Variants in USH2A observed in about 807,000 individuals in gnomAD.
USH2A encodes the protein Usher syndrome 2A (autosomal recessive, mild).
USH2A carries 443 observed loss-of-function variants against 538.9 expected under a neutral mutation model. That is an observed-to-expected ratio of 0.82 (90% CI 0.76 to 0.89). The LOEUF (loss-of-function observed/expected upper bound fraction) is 0.89, where lower values mean the gene tolerates loss of function less well. Ranked by LOEUF, USH2A falls within the 40% of genes least tolerant of loss-of-function variation. USH2A has a pLI of 0.00. For synonymous variants in USH2A, 2,413 were observed against 2,273.5 expected, an observed-to-expected ratio of 1.06 and a Z score of -1.75; for missense variants, 6,633 against 6,324.8, an observed-to-expected ratio of 1.05 and a Z score of -1.65.
rs554524242 is a variant in USH2A at position 216,289,430 on chromosome 1, T to C, written c.1841-20A>G. 39 of 1,613,610 alleles carry C rather than the reference T, an allele frequency of 2.4e-5. No homozygotes were observed. Among genetic ancestry groups the C allele is most frequent in the Non-Finnish European group, 2.9e-5 (34 of 1,179,668 alleles). On this transcript the variant is annotated intron_variant, in intron 10 of 71. Coordinates refer to ENST00000307340, the MANE Select transcript of USH2A (RefSeq NM_206933.4). ...TCCTTCCTGCATCAGGGAAAGGTTA[T>C]GCATTATGACTTCTAATTCATTAAA...
intron 21 of USH2A, among the ~76,000 whole-genome samples, chr1:216,113,156 A>G (rs966381346): frequency 7.3e-5 from 10 of 136,544 alleles, no homozygotes; most frequent in African/African-American, 2.5e-4. Flanking sequence ...AAAAAAAAAA[A>G]CAAAACAAGA....
Position 215,844,404 on chromosome 1 carries a change from C to A in USH2A, c.9148G>T (p.Val3050Phe), listed in dbSNP as rs753823548. The change falls in exon 46 of 72, where the codon GTC becomes TTC. Residue 3050 changes from valine to phenylalanine, a missense_variant. Physicochemically the swap from Val to Phe is conservative, Grantham distance 50. Transcript: ENST00000307340. Reference protein sequence around the residue: ...WTSPSNPNGVVTEYSIYVNNK... With the variant: ...WTSPSNPNGVFTEYSIYVNNK... Reference sequence around the variant, plus strand: ...TTTACATAGATAGAATACTCAGTGACAACACCATTTGGGTTTGAAGGAGAT... The same window carrying A: ...TTTACATAGATAGAATACTCAGTGAAAACACCATTTGGGTTTGAAGGAGAT... 3.5e-5 allele frequency: 56 copies of A among 1,613,596 alleles called. No individual in the cohort carries two copies. The highest frequency in any genetic ancestry group is 4.7e-5 in the Non-Finnish European group (55 of 1,179,904).
At chr1:216,235,500 T>C (rs1171351460) in intron 13 of USH2A, among the ~76,000 whole-genome samples, 1 of 152,166 alleles carries the variant, frequency 6.6e-6, no homozygotes, top group Non-Finnish European at 1.5e-5. Flanking sequence ...AAATCTCAAG[T>C]GGAAAAAAAT....
At chr1:216,001,576 T>C (rs905906556) in intron 32 of USH2A, among the ~76,000 whole-genome samples, 6 of 152,206 alleles carry the variant, frequency 3.9e-5, no homozygotes, top group African/African-American at 1.2e-4. Flanking sequence ...TAATCATTAA[T>C]ACTTTAACAC....
chr1:215,846,140 G>C (rs534477918), intron 44 of USH2A, 107 bp from the exon 45 acceptor site: 1 of 1,100,222 alleles, frequency 9.1e-7, no homozygotes, highest in African/African-American at 1.6e-5. Context: ...AGTTTAGAGA[G>C]CCTTTGTTTT....
At chr1:215,794,190 T>C (rs1662059589) in intron 50 of USH2A, among the ~76,000 whole-genome samples, 1 of 152,192 alleles carries the variant, frequency 6.6e-6, no homozygotes, top group South Asian at 2.1e-4. Flanking sequence ...CAGCATCTGT[T>C]AATTCACTCC....
rs1170088702 is a variant in USH2A, at chr1:215,759,671, C to T, written c.11220G>A (p.Glu3740=). ...EEQNFTDKNL[E]PNSRYTYKLE... ...TTCTTTTAGTTTACCTGCTATTGGG[C>T]TCCAGGTTTTTATCAGTGAAATTCT... The change falls in exon 57 of 72, where the codon GAG becomes GAA. Residue 3740 remains glutamate, a synonymous_variant. Transcript: ENST00000307340. 4.3e-6 allele frequency: 7 copies of T among 1,613,912 alleles called. No homozygotes were observed. Among genetic ancestry groups the T allele is most frequent in the South Asian group, 2.2e-5 (2 of 91,076 alleles).
intron 3 of USH2A, among the ~76,000 whole-genome samples, chr1:216,387,847 C>T (rs1227772873): frequency 6.6e-6 from 1 of 152,038 alleles, no homozygotes; most frequent in Non-Finnish European, 1.5e-5. Flanking sequence ...CTCTCTCTGC[C>T]CTTCCCCCAT....
intron 35 of USH2A, among the ~76,000 whole-genome samples, chr1:215,977,992 T>C (rs567703693): frequency 3.0e-4 from 46 of 152,222 alleles, no homozygotes; most frequent in African/African-American, 9.1e-4. Context: ...TTGGGCATGA[T>C]GACATGTGCC....
intron 32 of USH2A, among the ~76,000 whole-genome samples, chr1:216,031,794 G>A (rs1669133896): frequency 6.6e-6 from 1 of 152,042 alleles, no homozygotes; most frequent in African/African-American, 2.4e-5. Flanking sequence ...ACTTACCCAG[G>A]GTGCACACTC....
At chr1:216,166,805 T>C (rs1460723293) in intron 21 of USH2A, among the ~76,000 whole-genome samples, 2 of 152,114 alleles carry the variant, frequency 1.3e-5, no homozygotes, top group Non-Finnish European at 2.9e-5. Context: ...TCTACATTGA[T>C]TTTTAATTTT....
chr1:215,965,502 T>G lies in USH2A; in HGVS notation c.6958-23A>C. 1.9e-6 allele frequency: 3 copies of G among 1,612,756 alleles called. No individual in the cohort carries two copies. In the South Asian group the frequency reaches 3.3e-5, roughly 18 times the overall value. ...CACCTGTGAGTATAAAAAGATTTAT[T>G]TTTGTTTGCAAATAAAATAAGTACA... On this transcript the variant is annotated intron_variant, in intron 36 of 71. Transcript: ENST00000307340.
At chr1:216,095,874 C>T (rs776514123) in intron 22 of USH2A, among the ~76,000 whole-genome samples, 11 of 152,104 alleles carry the variant, frequency 7.2e-5, no homozygotes, top group Non-Finnish European at 1.0e-4. Context: ...TGATCCTAGA[C>T]GCAACTTGGA....
At chr1:216,010,307 C>T (rs1558209838) in intron 32 of USH2A, among the ~76,000 whole-genome samples, 1 of 152,168 alleles carries the variant, frequency 6.6e-6, no homozygotes, top group East Asian at 1.9e-4. Context: ...GCCACCAGGC[C>T]AGGGAATTCC....
At chr1:215,911,557 T>A (rs575606874) in intron 38 of USH2A, among the ~76,000 whole-genome samples, 2 of 152,224 alleles carry the variant, frequency 1.3e-5, no homozygotes, top group African/African-American at 4.8e-5. Flanking sequence ...TACGGCTGAA[T>A]AGTACTCCAT....
chr1:215,874,631 T>A (rs1664711693), intron 43 of USH2A, among the ~76,000 whole-genome samples: 1 of 152,208 alleles, frequency 6.6e-6, no homozygotes, highest in Non-Finnish European at 1.5e-5. Flanking sequence ...TTATATTTAC[T>A]GTCACAAATA....
rs74891697 is a variant in USH2A at position 215,704,125 on chromosome 1, G to A, written c.12067-23749C>T. On this transcript the variant is annotated intron_variant, in intron 61 of 71. Coordinates refer to ENST00000307340, the MANE Select transcript of USH2A (RefSeq NM_206933.4). ...AGGCGACGCCCCACCCTGCTTCTGC[G>A]CCTTCCATGGGCTGCACCCACTGTC... is the stretch of plus-strand genomic sequence containing the variant. Among the ~76,000 whole-genome samples the A allele has an allele frequency of 2.9e-3, 437 of 152,266 alleles. 2 individuals are homozygous for A. Among genetic ancestry groups the A allele is most frequent in the African/African-American group, 7.7e-3 (318 of 41,566 alleles).
At chr1:216,056,281 T>G (rs1317299516) in intron 30 of USH2A, among the ~76,000 whole-genome samples, 2 of 152,290 alleles carry the variant, frequency 1.3e-5, no homozygotes, top group East Asian at 3.9e-4. Flanking sequence ...ACACTGGACC[T>G]GACTAAGCAG....
chr1:216,095,554 G>C (rs2032422417), intron 22 of USH2A, among the ~76,000 whole-genome samples: 1 of 152,042 alleles, frequency 6.6e-6, no homozygotes, highest in South Asian at 2.1e-4. Flanking sequence ...CCACCTGCTG[G>C]CATCCTTTAA....
Sources: allele counts gnomAD v4.1 joint callset (sites outside exome capture counted in the v4.1 genomes callset), GRCh38; gene constraint gnomAD v4.1.1; transcripts MANE v1.5; gene names NCBI Gene and HGNC (gene_info 2026-07-23, HGNC 2026-07-21).